SOX5: variants seen among roughly 807,000 people sequenced by gnomAD.
SOX5 encodes the protein SRY-box transcription factor 5.
A neutral mutation model predicts 92.0 loss-of-function variants in SOX5; 9 were observed. That is an observed-to-expected ratio of 0.10 (90% CI 0.06 to 0.17). The LOEUF (loss-of-function observed/expected upper bound fraction) is 0.17. SOX5 is among the 10% of genes least tolerant of loss of function. The pLI, the probability that SOX5 is intolerant of heterozygous loss-of-function variation, is 1.00. For missense variants in SOX5, 642 were observed against 944.5 expected, an observed-to-expected ratio of 0.68 and a Z score of 4.20; for synonymous variants, 344 against 336.3, an observed-to-expected ratio of 1.02 and a Z score of -0.25.
chr12:23,995,772 T>C (rs1355911359), intron 4 of SOX5, among the ~76,000 whole-genome samples: 2 of 152,190 alleles, frequency 1.3e-5, no homozygotes, highest in Non-Finnish European at 2.9e-5. Flanking sequence ...ATAGTGATAA[T>C]ATTAAAAGCT....
intron 4 of SOX5, among the ~76,000 whole-genome samples, chr12:24,184,963 AATC>A (rs1406605829): frequency 6.6e-6 from 1 of 152,148 alleles, no homozygotes; most frequent in Non-Finnish European, 1.5e-5. Context: ...TCAGTTAGTC[AATC>A]AACAAGTATT....
intron 2 of SOX5, among the ~76,000 whole-genome samples, chr12:24,352,974 G>C (rs11047384): frequency 0.06 from 9,120 of 152,244 alleles, 397 homozygotes; most frequent in Non-Finnish European, 0.087. Context: ...GTCTAGAATG[G>C]GGCTCATGAA....
intron 3 of SOX5, among the ~76,000 whole-genome samples, chr12:23,830,658 CAA>C (rs1341665738): frequency 2.0e-5 from 3 of 152,050 alleles, no homozygotes; most frequent in Admixed American, 6.6e-5. Context: ...GATTTTAAAA[CAA>C]GAGTGAATTT....
chr12:24,535,813 C>G lies in SOX5; in HGVS notation c.-251+26516G>C, dbSNP rs74070944. On this transcript the variant is annotated intron_variant, in intron 1 of 4. Coordinates refer to the SOX5 transcript ENST00000446891. Reference sequence around the variant, plus strand: ...TTCCTGATAGAACCATTCCATAAAGCTATTCTGCCTCTGAAAACCATTCTC... The same window carrying G: ...TTCCTGATAGAACCATTCCATAAAGGTATTCTGCCTCTGAAAACCATTCTC... 8.4e-4 allele frequency among the ~76,000 whole-genome samples: 128 copies of G among 152,236 alleles called. No homozygotes were observed. The East Asian group carries it at 0.022, about 26-fold the overall frequency.
chr12:23,791,549 A>G (rs1209717400), intron 3 of SOX5, among the ~76,000 whole-genome samples: 1 of 152,216 alleles, frequency 6.6e-6, no homozygotes, highest in Admixed American at 6.5e-5. Flanking sequence ...CTGCAGACAT[A>G]AAGGCCATAA....
At position 23,863,125 on chromosome 12, in the gene SOX5, C is replaced by T. The variant is rs79657082; in HGVS notation, c.271-16932G>A. 3.6e-4 allele frequency among the ~76,000 whole-genome samples: 55 copies of T among 152,166 alleles called. No individual in the cohort carries two copies. The East Asian group carries it at 0.01, about 28-fold the overall frequency. ...CCAAACCCTGACAATTTGAATACTG[C>T]GAATTTTTCATTTTCTACTCAGTAT... is the stretch of plus-strand genomic sequence containing the variant. On this transcript the variant is annotated intron_variant, in intron 2 of 14. Coordinates refer to ENST00000451604, the MANE Select transcript of SOX5 (RefSeq NM_006940.6).
At chr12:24,045,134 T>C (rs887499942) in intron 4 of SOX5, among the ~76,000 whole-genome samples, 5 of 152,140 alleles carry the variant, frequency 3.3e-5, no homozygotes, top group Non-Finnish European at 7.4e-5. Flanking sequence ...GTAAGTAAGA[T>C]AGTGGACTCT....
chr12:24,178,254 T>A (rs957134290), intron 4 of SOX5, among the ~76,000 whole-genome samples: 1 of 151,564 alleles, frequency 6.6e-6, no homozygotes, highest in East Asian at 1.9e-4. Flanking sequence ...CTTTTTTTTT[T>A]TTTTTTTTTT....
intron 2 of SOX5, among the ~76,000 whole-genome samples, chr12:24,297,067 G>A (rs1240944723): frequency 3.9e-5 from 6 of 152,034 alleles, no homozygotes; most frequent in South Asian, 4.2e-4. Context: ...GAGACATGAC[G>A]GTAGTTATGC....
At chr12:24,208,136 C>T (rs551153336) in intron 4 of SOX5, among the ~76,000 whole-genome samples, 1 of 152,272 alleles carries the variant, frequency 6.6e-6, no homozygotes, top group African/African-American at 2.4e-5. Flanking sequence ...TATCTGCACC[C>T]TGGTGTTACC....
At chr12:24,549,371 A>G (rs1219087649) in intron 1 of SOX5, among the ~76,000 whole-genome samples, 1 of 152,256 alleles carries the variant, frequency 6.6e-6, no homozygotes, top group Non-Finnish European at 1.5e-5. Context: ...TGTCTGGCTC[A>G]TAGTAGGCAC....
At chr12:23,933,235 C>G (rs952348493) in intron 1 of SOX5, among the ~76,000 whole-genome samples, 1 of 151,614 alleles carries the variant, frequency 6.6e-6, no homozygotes, top group Non-Finnish European at 1.5e-5. Context: ...TCCAGCTAAC[C>G]CTGGACCTGA....
intron 4 of SOX5, among the ~76,000 whole-genome samples, chr12:24,177,977 C>T (rs1262738336): frequency 1.3e-5 from 2 of 152,200 alleles, no homozygotes; most frequent in African/African-American, 4.8e-5. Flanking sequence ...CAAGGATGAA[C>T]ATAGCACTTT....
intron 6 of SOX5, among the ~76,000 whole-genome samples, chr12:23,727,781 A>C (rs953640815): frequency 1.3e-4 from 20 of 152,158 alleles, no homozygotes; most frequent in African/African-American, 4.8e-4. Flanking sequence ...TACTAGGAGG[A>C]AGATTTTAAA....
chr12:23,934,405 A>G (rs1176701812), intron 1 of SOX5, among the ~76,000 whole-genome samples: 3 of 149,976 alleles, frequency 2.0e-5, no homozygotes, highest in Non-Finnish European at 4.5e-5. Flanking sequence ...ATGTATATGT[A>G]TATCACATAT....
rs570287353 is a variant in SOX5 at position 23,998,732 on chromosome 12, C to T, written c.-1-102708G>A. Reference sequence around the variant, plus strand: ...CAGAAAATTCCTTGAACCTCGGAGGCGGAGGTTGCAATGAGCCGAGATCAC... The same window carrying T: ...CAGAAAATTCCTTGAACCTCGGAGGTGGAGGTTGCAATGAGCCGAGATCAC... On this transcript the variant is annotated intron_variant, in intron 4 of 4. Coordinates refer to the SOX5 transcript ENST00000446891. 1.9e-4 allele frequency among the ~76,000 whole-genome samples: 24 copies of T among 127,696 alleles called. No homozygotes were observed. In the South Asian group the frequency reaches 1.9e-3, roughly 10 times the overall value. 83.8% of individuals were successfully genotyped at this position (127,696 alleles called of 152,430 possible).
At chr12:23,982,720 G>T (rs956170208) in intron 4 of SOX5, among the ~76,000 whole-genome samples, 4 of 151,490 alleles carry the variant, frequency 2.6e-5, no homozygotes, top group Non-Finnish European at 5.9e-5. Context: ...TTTAAAAAAA[G>T]GAAAAAGGTG....
intron 8 of SOX5, among the ~76,000 whole-genome samples, chr12:23,618,958 T>C (rs932698181): frequency 4.6e-5 from 7 of 151,966 alleles, no homozygotes; most frequent in African/African-American, 1.2e-4. Flanking sequence ...GCTTCAAGAG[T>C]GAAAGACTTC....
intron 4 of SOX5, among the ~76,000 whole-genome samples, chr12:24,018,413 T>C (rs1281877950): frequency 6.6e-6 from 1 of 152,168 alleles, no homozygotes; most frequent in Non-Finnish European, 1.5e-5. Context: ...TGTGATGAAA[T>C]TATTAGAATT....
Sources: gnomAD v4.1 joint callset for allele counts (sites outside exome capture counted in the v4.1 genomes callset) on GRCh38, gnomAD v4.1.1 for gene constraint, MANE v1.5 for transcripts, NCBI Gene and HGNC (gene_info 2026-07-23, HGNC 2026-07-21) for gene names.